The following VWA3B variants were observed in gnomAD, a reference collection of about 807,000 sequenced individuals.
The protein encoded by VWA3B is von Willebrand factor A domain-containing protein 3B.
A neutral mutation model predicts 158.3 loss-of-function variants in VWA3B; 138 were observed. The observed-to-expected ratio is 0.87, with a 90% CI of 0.76 to 1.00. The LOEUF is 1.00. VWA3B is among the 50% of genes least tolerant of loss of function. The probability of loss-of-function intolerance (pLI) is 0.00; values close to 1 mark genes in which losing one functional copy is unlikely to be tolerated. For missense variants in VWA3B, 1,555 were observed against 1,565.1 expected, an observed-to-expected ratio of 0.99 and a Z score of 0.11; for synonymous variants, 596 against 587.3, an observed-to-expected ratio of 1.01 and a Z score of -0.21.
At chr2:98,112,180 A>T (rs1674182614) in intron 2 of VWA3B, among the ~76,000 whole-genome samples, 1 of 151,750 alleles carries the variant, frequency 6.6e-6, no homozygotes, top group Non-Finnish European at 1.5e-5. Context: ...TCCTTTCCTC[A>T]TTGCTTATTT....
chr2:98,301,359 T>C (rs1401669355), intron 25 of VWA3B, among the ~76,000 whole-genome samples: 3 of 152,146 alleles, frequency 2.0e-5, no homozygotes, highest in Admixed American at 2.0e-4. Context: ...CTCTGCTCTT[T>C]ATTGGTTGTC....
intron 8 of VWA3B, among the ~76,000 whole-genome samples, chr2:98,169,159 A>G (rs751504049): frequency 2.0e-5 from 3 of 152,244 alleles, no homozygotes; most frequent in Non-Finnish European, 2.9e-5. Context: ...TCTCACTCAA[A>G]TGAAAAGACG....
At chr2:98,129,224 A>AGAGAGAGTGTGT (rs1370543551) in intron 6 of VWA3B, among the ~76,000 whole-genome samples, 152 of 124,650 alleles carry the variant, frequency 1.2e-3, no homozygotes, top group African/African-American at 2.0e-3. Flanking sequence ...AGAGAGAGAG[A>AGAGAGAGTGTGT]GTGTGTGTGT....
Position 98,250,445 on chromosome 2 carries a change from T to TA in VWA3B, c.2792+10dup, listed in dbSNP as rs1320382335. ...ATTCAATCCTATGAAAAGTGAGTAT[T>TA]ACTCTTGGCTGCTCTTTAATGGATG... On this transcript the variant is annotated intron_variant, in intron 20 of 27. Transcript: ENST00000477737. The TA allele has an allele frequency of 6.3e-7, 1 of 1,583,510 alleles. No homozygotes were observed. Among genetic ancestry groups the TA allele is most frequent in the Non-Finnish European group, 8.6e-7 (1 of 1,159,302 alleles).
At chr2:98,178,629 C>T (rs1289883831) in intron 8 of VWA3B, among the ~76,000 whole-genome samples, 1 of 152,104 alleles carries the variant, frequency 6.6e-6, no homozygotes, top group Non-Finnish European at 1.5e-5. Flanking sequence ...ATGGGGTTAC[C>T]AAGTCATAAC....
At chr2:98,264,313 A>T (rs189160768) in intron 21 of VWA3B, among the ~76,000 whole-genome samples, 2 of 152,194 alleles carry the variant, frequency 1.3e-5, no homozygotes, top group African/African-American at 4.8e-5. Context: ...AAGTAAAGTT[A>T]AATTGTTAAT....
chr2:98,246,283 C>A (rs547150682), intron 19 of VWA3B, among the ~76,000 whole-genome samples: 75 of 152,230 alleles, frequency 4.9e-4, no homozygotes, highest in Non-Finnish European at 9.9e-4. Flanking sequence ...AAAGTTGCAG[C>A]CACCTGTGCA....
At chr2:98,234,144 G>C (rs1011759605) in intron 16 of VWA3B, among the ~76,000 whole-genome samples, 1 of 152,198 alleles carries the variant, frequency 6.6e-6, no homozygotes, top group Admixed American at 6.5e-5. Context: ...CTCATGACCA[G>C]GTTATGCTGA....
At chr2:98,242,356 G>A (rs1190314814) in intron 19 of VWA3B, 6 of 454,526 alleles carry the variant, frequency 1.3e-5, no homozygotes, top group Admixed American at 2.4e-5. Context: ...AAATGGACTC[G>A]ATAATTTTAT....
At chr2:98,292,775 AC>A (rs1689572328) in intron 23 of VWA3B, among the ~76,000 whole-genome samples, 1 of 151,714 alleles carries the variant, frequency 6.6e-6, no homozygotes, top group Non-Finnish European at 1.5e-5. Context: ...GACCAGCCTG[AC>A]CAACATGGTG....
chr2:98,141,266 C>T (rs1676759019), intron 7 of VWA3B, among the ~76,000 whole-genome samples: 1 of 152,214 alleles, frequency 6.6e-6, no homozygotes, highest in African/African-American at 2.4e-5. Flanking sequence ...GATAAAGGAA[C>T]ACCTGAGGCT....
intron 12 of VWA3B, chr2:98,207,520 A>G: frequency 1.9e-6 from 1 of 517,596 alleles, no homozygotes; most frequent in South Asian, 1.4e-5. Flanking sequence ...TTGAATGTGG[A>G]TAATACAACG....
chr2:98,260,207 G>T (rs1383786019), intron 21 of VWA3B, among the ~76,000 whole-genome samples: 1 of 151,632 alleles, frequency 6.6e-6, no homozygotes, highest in African/African-American at 2.4e-5. Flanking sequence ...GCTGGATGGG[G>T]TGTTTTGGAT....
chr2:98,159,592 G>A (rs1420553266), intron 7 of VWA3B, among the ~76,000 whole-genome samples: 1 of 152,134 alleles, frequency 6.6e-6, no homozygotes, highest in Non-Finnish European at 1.5e-5. Flanking sequence ...AGTCATGCAA[G>A]GCGGGGGATT....
chr2:98,092,194 G>A (rs79694274), intron 1 of VWA3B, among the ~76,000 whole-genome samples: 1 of 152,178 alleles, frequency 6.6e-6, no homozygotes, highest in Non-Finnish European at 1.5e-5. Flanking sequence ...ACACCTGTTC[G>A]ACAGGTAAAA....
intron 7 of VWA3B, among the ~76,000 whole-genome samples, chr2:98,144,998 C>G (rs1326519125): frequency 6.6e-6 from 1 of 152,212 alleles, no homozygotes; most frequent in Admixed American, 6.5e-5. Flanking sequence ...CTGCTGCATG[C>G]TGCTGAGGAG....
chr2:98,181,122 T>C lies in VWA3B; in HGVS notation c.1221T>C (p.Tyr407=). ...TGAAGGCCCAGAAGCTATCCTTGTA[T>C]GATGTGCTTGCCGACTGCTCTTTCC... ...YGLKAQKLSL[Y]DVLADCSFRH... The change falls in exon 9 of 28, where the codon TAT becomes TAC. Residue 407 remains tyrosine (Y), a synonymous_variant. Coordinates refer to ENST00000477737, the MANE Select transcript of VWA3B (RefSeq NM_144992.5). 5 of 1,614,220 alleles carry C rather than the reference T, an allele frequency of 3.1e-6. No homozygotes were observed. Among genetic ancestry groups the C allele is most frequent in the Non-Finnish European group, 4.2e-6 (5 of 1,180,046 alleles).
At chr2:98,098,122 C>A (rs1682838482) in intron 2 of VWA3B, among the ~76,000 whole-genome samples, 2 of 152,024 alleles carry the variant, frequency 1.3e-5, no homozygotes, top group Non-Finnish European at 2.9e-5. Context: ...TTTGGTAAGA[C>A]TTGTTTTGTG....
At chr2:98,139,362 G>C (rs1413653939) in intron 7 of VWA3B, among the ~76,000 whole-genome samples, 1 of 152,204 alleles carries the variant, frequency 6.6e-6, no homozygotes, top group Non-Finnish European at 1.5e-5. Context: ...CAGTCCCATC[G>C]ACCACCCAAG....
Sources: gnomAD v4.1 joint callset for allele counts (sites outside exome capture counted in the v4.1 genomes callset) on GRCh38, gnomAD v4.1.1 for gene constraint, MANE v1.5 for transcripts, NCBI Gene and HGNC (gene_info 2026-07-23, HGNC 2026-07-21) for gene names.